Variants in MGA observed in about 807,000 individuals in gnomAD.
The protein encoded by MGA is MAX dimerization protein MGA, also known as MAX gene-associated protein.
In MGA, 40 loss-of-function variants were observed where a neutral mutation model predicts 261.1. The ratio of observed to expected loss-of-function variants is 0.15; its 90% confidence interval spans 0.12 to 0.20. MGA has a LOEUF of 0.20. MGA is among the 10% of genes least tolerant of loss of function. The pLI, the probability that MGA is intolerant of heterozygous loss-of-function variation, is 1.00. For missense variants in MGA, 3,397 were observed against 3,630.5 expected (o/e 0.94, Z 1.65); for synonymous variants, 1,302 against 1,290.6 (o/e 1.01, Z -0.19).
At chr15:41,760,103 G>A (rs2063367980) in intron 19 of MGA, 1 of 509,494 alleles carries the variant, frequency 2.0e-6, no homozygotes, top group Non-Finnish European at 3.5e-6. Context: ...CTGAGAGCTG[G>A]TAAGATCACT....
chr15:41,687,111 C>T (rs1244027121), intron 2 of MGA, among the ~76,000 whole-genome samples: 1 of 151,848 alleles, frequency 6.6e-6, no homozygotes, highest in Non-Finnish European at 1.5e-5. Context: ...CAAATCATGA[C>T]TTCAAGTTCT....
At chr15:41,711,973 G>C (rs1004432811) in intron 8 of MGA, among the ~76,000 whole-genome samples, 1 of 152,122 alleles carries the variant, frequency 6.6e-6, no homozygotes, top group East Asian at 1.9e-4. Context: ...GGGATTACAG[G>C]CATGAGTCAC....
rs546832049 is a variant in MGA, at chr15:41,743,075, A to G, written c.5115A>G (p.Ala1705=). 3.1e-6 allele frequency: 5 copies of G among 1,613,972 alleles called. No homozygotes were observed. The highest frequency in any genetic ancestry group is 4.5e-5 in the East Asian group (2 of 44,890). ...CCTTAGTCGTGGTGACTGCAGCTGCATCTTCCTCCATGGTGACCACACCAA... is the reference window on the plus strand; with the variant it reads ...CCTTAGTCGTGGTGACTGCAGCTGCGTCTTCCTCCATGGTGACCACACCAA... Residue 1705 remains alanine (A), a synonymous_variant, in exon 15 of 24, where the codon GCA becomes GCG. Transcript: ENST00000219905.
intron 11 of MGA, among the ~76,000 whole-genome samples, chr15:41,731,237 A>T (rs2061493101): frequency 6.6e-6 from 1 of 152,132 alleles, no homozygotes; most frequent in African/African-American, 2.4e-5. Flanking sequence ...CACTTTAATT[A>T]TAAGTTGTAA....
At chr15:41,732,100 C>CTTTA in intron 11 of MGA, among the ~76,000 whole-genome samples, 2 of 149,646 alleles carry the variant, frequency 1.3e-5, no homozygotes, top group East Asian at 3.9e-4. Flanking sequence ...CCAAAGGTGT[C>CTTTA]TTTATTTATT....
chr15:41,765,168 T>C, intron 23 of MGA, 106 bp downstream of exon 23: 1 of 1,307,016 alleles, frequency 7.7e-7, no homozygotes, highest in Non-Finnish European at 1.1e-6. Context: ...AAAGAGCTAT[T>C]CTGTTGGCAT....
chr15:41,647,564 C>G (rs2056958896), intron 1 of MGA, among the ~76,000 whole-genome samples: 1 of 152,156 alleles, frequency 6.6e-6, no homozygotes, highest in South Asian at 2.1e-4. Flanking sequence ...TAATTCTACT[C>G]TCATCTATTT....
At chr15:41,687,521 G>A (rs1047616338) in intron 2 of MGA, among the ~76,000 whole-genome samples, 21 of 152,218 alleles carry the variant, frequency 1.4e-4, no homozygotes, top group African/African-American at 5.1e-4. Context: ...AGAAAAAAAT[G>A]ATCAACTCCT....
chr15:41,724,162 G>A (rs1272598311), intron 9 of MGA, among the ~76,000 whole-genome samples: 1 of 152,122 alleles, frequency 6.6e-6, no homozygotes, highest in Admixed American at 6.5e-5. Context: ...ATTAATGCGT[G>A]TACAAAATAA....
intron 2 of MGA, among the ~76,000 whole-genome samples, chr15:41,690,826 G>GT (rs2059239618): frequency 6.6e-6 from 1 of 152,058 alleles, no homozygotes; most frequent in African/African-American, 2.4e-5. Flanking sequence ...TTGCAGTGAG[G>GT]TATGATTGCA....
Position 41,699,148 on chromosome 15 carries a change from G to C in MGA, c.2177G>C (p.Gly726Ala), listed in dbSNP as rs2059699767. 1.9e-6 allele frequency: 3 copies of C among 1,604,126 alleles called. No homozygotes were observed. In the Admixed American group the frequency reaches 5.1e-5, roughly 28 times the overall value. ...CGGCACAAGCAGGTGATACATCCTG[G>C]TCTTCAAGAAGGTAATAGACTAGCG... Residue 726 changes from glycine (G) to alanine (A), a missense_variant, in exon 5 of 24, where the codon GGT becomes GCT. Transcript: ENST00000219905.
At chr15:41,705,712 C>T (rs188693351) in intron 5 of MGA, among the ~76,000 whole-genome samples, 3 of 152,282 alleles carry the variant, frequency 2.0e-5, no homozygotes, top group African/African-American at 7.2e-5. Context: ...AGAGAAAGTG[C>T]AGTAGATTCT....
At chr15:41,736,742 C>G in intron 13 of MGA, 44 bp downstream of exon 13, 1 of 1,492,436 alleles carries the variant, frequency 6.7e-7, no homozygotes, top group Non-Finnish European at 8.9e-7. Context: ...TTGTATACAC[C>G]TAGGTAGTAT....
chr15:41,725,561 C>A (rs1380492973), intron 9 of MGA, among the ~76,000 whole-genome samples: 1 of 54,044 alleles, frequency 1.9e-5, no homozygotes, highest in Non-Finnish European at 4.7e-5. Flanking sequence ...GGGCCGGGCG[C>A]GGTGGCTCAC....
intron 1 of MGA, among the ~76,000 whole-genome samples, chr15:41,622,443 G>A (rs1372710137): frequency 6.6e-6 from 1 of 152,106 alleles, no homozygotes; most frequent in African/African-American, 2.4e-5. Flanking sequence ...TCATTACAAT[G>A]ATGTGGGAAA....
chr15:41,749,940 T>C lies in MGA; in HGVS notation c.6333T>C (p.Asp2111=). Residue 2111 remains aspartate (D), a synonymous_variant, in exon 17 of 24, where the codon GAT becomes GAC. Coordinates refer to ENST00000219905, the MANE Select transcript of MGA (RefSeq NM_001164273.2). ...AAGTACAGCATCAAAAACTTGGTGATGTGAAGGTGGAACAGCAGAAAGGAT... is the reference window on the plus strand; with the variant it reads ...AAGTACAGCATCAAAAACTTGGTGACGTGAAGGTGGAACAGCAGAAAGGAT... 5 of 1,613,766 alleles carry C rather than the reference T, an allele frequency of 3.1e-6. No homozygotes were observed. The highest frequency in any genetic ancestry group is 2.5e-6 in the Non-Finnish European group (3 of 1,179,838).
chr15:41,623,324 A>C (rs12902047), intron 1 of MGA, among the ~76,000 whole-genome samples: 39,718 of 152,176 alleles, frequency 0.26, 5,816 homozygotes, highest in Middle Eastern at 0.45. Context: ...GTAGTGAAAC[A>C]GAATAATCTA....
Position 41,698,554 on chromosome 15 carries a change from G to C in MGA, c.2014-309G>C, listed in dbSNP as rs575120968. Among the ~76,000 whole-genome samples the C allele has an allele frequency of 3.3e-5, 5 of 152,280 alleles. 1 individual carries two copies. In the South Asian group the frequency reaches 1.0e-3, roughly 32 times the overall value. On this transcript the variant is annotated intron_variant, in intron 3 of 23. Transcript: ENST00000219905. ...TTCTTGTTAGCTGAGTAAGCTATCTGAATATAGGCTCTGAGAAGTGAACAT... is the reference window on the plus strand; with the variant it reads ...TTCTTGTTAGCTGAGTAAGCTATCTCAATATAGGCTCTGAGAAGTGAACAT...
chr15:41,750,620 T>C lies in MGA; in HGVS notation c.7008+5T>C. ...GAGGTTGATGATGTAGAAAAGGTGG[T>C]GAGCCCATTTTTGTTGTGACTGAAA... is the stretch of plus-strand genomic sequence containing the variant. On this transcript the variant is annotated splice_donor_5th_base_variant and intron_variant, in intron 17 of 23. Transcript: ENST00000219905. 6.3e-7 allele frequency: 1 copy of C among 1,595,292 alleles called. No homozygotes were observed. Among genetic ancestry groups the C allele is most frequent in the East Asian group, 2.2e-5 (1 of 44,590 alleles).
Sources: gnomAD v4.1 joint callset for allele counts (sites outside exome capture counted in the v4.1 genomes callset) on GRCh38, gnomAD v4.1.1 for gene constraint, MANE v1.5 for transcripts, NCBI Gene and HGNC (gene_info 2026-07-23, HGNC 2026-07-21) for gene names.